The following RUNX3 variants were observed in gnomAD, a reference collection of about 807,000 sequenced individuals.
RUNX3 encodes runt-related transcription factor 3.
A neutral mutation model predicts 27.7 loss-of-function variants in RUNX3; 10 were observed. That is an observed-to-expected ratio of 0.36 (90% CI 0.22 to 0.61). RUNX3 has a LOEUF of 0.61. RUNX3 is among the 20% of genes least tolerant of loss of function. The pLI is 0.72. For synonymous variants in RUNX3, 270 were observed against 269.2 expected (o/e 1.00, Z -0.03); for missense variants, 469 against 629.5 (o/e 0.75, Z 2.73).
intron 2 of RUNX3, among the ~76,000 whole-genome samples, chr1:24,958,175 T>C (rs7527098): frequency 0.72 from 110,092 of 152,190 alleles, 40,766 homozygotes; most frequent in African/African-American, 0.89. Flanking sequence ...GGGCTCAGGG[T>C]AGGGCCACAG....
In RUNX3 at chr1:24,927,677, G is replaced by A; in HGVS notation, c.336C>T (p.Gly112=). The change falls in exon 2 of 5, where the codon GGC becomes GGT. Residue 112 remains glycine, a synonymous_variant. Coordinates refer to ENST00000308873, the MANE Select transcript of RUNX3 (RefSeq NM_004350.3). This position sits in a 1 kb window ranked among gnomAD's most constrained non-coding sequence, Gnocchi z 5.0. ...PDGTVVTVMA[G]NDENYSAELR... is the part of the protein sequence containing the mutation. The stretch of plus-strand genomic sequence containing the variant: ...GCTCAGCGGAGTAGTTCTCGTCATT[G>A]CCTGCCATCACAGTCACCACCGTAC... 1 of 1,614,014 alleles carries A rather than the reference G, an allele frequency of 6.2e-7. No individual in the cohort carries two copies. Among genetic ancestry groups the A allele is most frequent in the African/African-American group, 1.3e-5 (1 of 75,012 alleles).
chr1:24,947,500 TCAC>T (rs1031427996), intron 2 of RUNX3, among the ~76,000 whole-genome samples: 1 of 152,032 alleles, frequency 6.6e-6, no homozygotes, highest in African/African-American at 2.4e-5. Flanking sequence ...ATGGGCCAGC[TCAC>T]CACAAGCAGC....
chr1:24,938,830 C>T (rs954914693), intron 2 of RUNX3, among the ~76,000 whole-genome samples: 12 of 152,138 alleles, frequency 7.9e-5, no homozygotes, highest in Admixed American at 7.9e-4. Flanking sequence ...AACAGGGAGT[C>T]CAGGACCTCA....
rs1394962584 is a variant in RUNX3, at chr1:24,902,965, C to G, written c.704-299G>C. Among the ~76,000 whole-genome samples the G allele has an allele frequency of 3.3e-5, 5 of 152,326 alleles. No homozygotes were observed. The highest frequency in any genetic ancestry group is 1.3e-4 in the Admixed American group (2 of 15,308). ...CTTCTTTTTAAATCCTCCTTCCCAG[C>G]CTCGCAGAGGAGAGGCCTAGGATGC... On this transcript the variant is annotated intron_variant, in intron 4 of 4. Coordinates refer to ENST00000308873, the MANE Select transcript of RUNX3 (RefSeq NM_004350.3). This position sits in a 1 kb window ranked among gnomAD's most constrained non-coding sequence, Gnocchi z 9.2.
rs760735120 is a variant in RUNX3 at position 24,902,401 on chromosome 1, G to T, written c.969C>A (p.Phe323Leu). Residue 323 changes from phenylalanine to leucine, a missense_variant, in exon 5 of 5, where the codon TTC becomes TTA. Physicochemically the swap from Phe to Leu is conservative, Grantham distance 22. This residue lies in a region of RUNX3 where 279 missense variants were observed against 343.0 expected (regional missense o/e 0.81). Coordinates refer to ENST00000308873, the MANE Select transcript of RUNX3 (RefSeq NM_004350.3). This position sits in a 1 kb window ranked among gnomAD's most constrained non-coding sequence, Gnocchi z 9.2. ...PGAPQNQSGP[F>L]QANPSPYHLY... ...GGTGGTAGGGGGACGGGTTGGCCTG[G>T]AAGGGCCCGCTCTGGTTCTGCGGGG... The T allele has an allele frequency of 2.5e-6, 4 of 1,612,768 alleles. No homozygotes were observed. The African/African-American group carries it at 4.0e-5, about 16-fold the overall frequency.
chr1:24,907,527 G>A, intron 3 of RUNX3, 110 bp from the exon 4 acceptor site: 1 of 1,148,052 alleles, frequency 8.7e-7, no homozygotes, highest in Non-Finnish European at 1.2e-6. Flanking sequence ...TTAGGCCTCT[G>A]CTGGGAGAAC....
chr1:24,912,666 T>A (rs1411816486), intron 3 of RUNX3, among the ~76,000 whole-genome samples: 1 of 151,858 alleles, frequency 6.6e-6, no homozygotes, highest in Non-Finnish European at 1.5e-5. Context: ...CCTGGCAGCA[T>A]CCCCTTGAGT....
intron 3 of RUNX3, among the ~76,000 whole-genome samples, chr1:24,917,316 C>A (rs543330199): frequency 1.3e-5 from 2 of 152,188 alleles, no homozygotes; most frequent in Non-Finnish European, 2.9e-5. Context: ...AGACTTGATA[C>A]CTGCACCTCT....
chr1:24,920,469 C>T (rs1283948861), intron 2 of RUNX3, among the ~76,000 whole-genome samples: 6 of 152,152 alleles, frequency 3.9e-5, no homozygotes, highest in Non-Finnish European at 7.4e-5. Context: ...GATGGAAGAT[C>T]TTTTACACGC....
At position 24,900,247 on chromosome 1, in the gene RUNX3, A is replaced by G. The variant is rs1481142610; in HGVS notation, c.*1875T>C. ...TTCCAGTGAGGACAGGCCAAGAGAA[A>G]CCGCAGCAGGAGGGAATGGAATAGG... On this transcript the variant is annotated 3_prime_UTR_variant, in exon 5 of 5. Transcript: ENST00000308873. 1 of 152,308 alleles carries G rather than the reference A, an allele frequency of 6.6e-6. No individual in the cohort carries two copies. Among genetic ancestry groups the G allele is most frequent in the Non-Finnish European group, 1.5e-5 (1 of 68,072 alleles). The allele number at this position is 152,308 out of a possible 1,614,324, so 9.4% of individuals were successfully genotyped here. A position where few individuals can be genotyped will look rare whatever the true frequency, so the allele number is the denominator to read the frequency against.
intron 2 of RUNX3, among the ~76,000 whole-genome samples, chr1:24,938,998 G>A (rs1246374063): frequency 1.3e-5 from 2 of 152,156 alleles, no homozygotes; most frequent in Non-Finnish European, 2.9e-5. Context: ...GACAAAAGTG[G>A]GCCAGGGGAT....
rs369891367 is a variant in RUNX3 at position 24,964,728 on chromosome 1, CT to C, written c.-97-61del. On this transcript the variant is annotated intron_variant, in intron 1 of 6. Transcript: ENST00000338888. ...GTTGTTTTTTGTTTTGTTTTTGTCT[CT>C]TTTTTCCCCCCTGCTGCTACGAAAA... 11,238 of 1,468,602 alleles carry C rather than the reference CT, an allele frequency of 7.7e-3. 66 individuals are homozygous for C. The highest frequency in any genetic ancestry group is 8.8e-3 in the Non-Finnish European group (9,767 of 1,111,568). The allele number at this position is 1,468,602 out of a possible 1,614,324, so 91.0% of individuals were successfully genotyped here.
intron 2 of RUNX3, among the ~76,000 whole-genome samples, chr1:24,953,847 A>G (rs531729268): frequency 6.6e-6 from 1 of 152,386 alleles, no homozygotes; most frequent in South Asian, 2.1e-4. Context: ...CAGAAGTCCT[A>G]AATTTGAATG....
chr1:24,915,372 C>T (rs1199562040), intron 3 of RUNX3, among the ~76,000 whole-genome samples: 2 of 151,998 alleles, frequency 1.3e-5, no homozygotes, highest in African/African-American at 4.8e-5. Flanking sequence ...TGCTGTGAGC[C>T]GAGATCTTGC....
intron 3 of RUNX3, among the ~76,000 whole-genome samples, chr1:24,911,588 T>C (rs1640797085): frequency 6.6e-6 from 1 of 152,210 alleles, no homozygotes; most frequent in Admixed American, 6.5e-5. Context: ...TTATCTCTGC[T>C]CATGCCCAAA....
At chr1:24,951,579 G>C (rs1641767642) in intron 2 of RUNX3, among the ~76,000 whole-genome samples, 1 of 152,186 alleles carries the variant, frequency 6.6e-6, no homozygotes, top group South Asian at 2.1e-4. Flanking sequence ...CACCCCTTGA[G>C]TCGCTCCAGC....
chr1:24,958,878 G>A (rs1424308856), intron 2 of RUNX3, among the ~76,000 whole-genome samples: 19 of 152,166 alleles, frequency 1.2e-4, no homozygotes, highest in Non-Finnish European at 2.2e-4. Flanking sequence ...AACTACGGGG[G>A]GTGGGGGCAC....
intron 3 of RUNX3, 120 bp from the exon 4 acceptor site, chr1:24,907,537 C>A (rs1173740603): frequency 9.9e-7 from 1 of 1,014,518 alleles, no homozygotes; most frequent in Non-Finnish European, 1.4e-6. Context: ...GCTGGGAGAA[C>A]CCTGAGGTCA....
Position 24,927,329 on chromosome 1 carries a change from C to T in RUNX3, c.439+245G>A, listed in dbSNP as rs976212866. Among the ~76,000 whole-genome samples the T allele has an allele frequency of 7.2e-5, 11 of 152,108 alleles. No individual in the cohort carries two copies. The highest frequency in any genetic ancestry group is 2.2e-4 in the African/African-American group (9 of 41,404). On this transcript the variant is annotated intron_variant, in intron 2 of 4. Coordinates refer to ENST00000308873, the MANE Select transcript of RUNX3 (RefSeq NM_004350.3). This position sits in a 1 kb window ranked among gnomAD's most constrained non-coding sequence, Gnocchi z 5.0. ...ACCGGGAAAGAGGGGGTGGCATGAA[C>T]GGTTTCAGGAGTTGGTAAACCCTAG...
Sources: allele counts gnomAD v4.1 joint callset (sites outside exome capture counted in the v4.1 genomes callset), GRCh38; gene constraint gnomAD v4.1.1; regional missense constraint gnomAD v4.1.1; non-coding constraint Gnocchi (gnomAD v3.1); transcripts MANE v1.5; gene names NCBI Gene and HGNC (gene_info 2026-07-23, HGNC 2026-07-21).